MAGI1: variants seen among roughly 807,000 people sequenced by gnomAD.
MAGI1 encodes membrane-associated guanylate kinase, WW and PDZ domain-containing protein 1.
Under a neutral mutation model 139.9 loss-of-function variants are expected in MAGI1, and 58 were observed. The observed-to-expected ratio is 0.41, with a 90% CI of 0.34 to 0.52. The LOEUF is 0.52. Ranked by LOEUF, MAGI1 falls within the 20% of genes least tolerant of loss-of-function variation. The pLI is 0.12. For synonymous variants in MAGI1, 812 were observed against 737.9 expected (o/e 1.10, Z -1.63); for missense variants, 1,874 against 1,901.6 (o/e 0.99, Z 0.27).
At chr3:65,633,620 G>A (rs1331991915) in intron 1 of MAGI1, among the ~76,000 whole-genome samples, 1 of 152,072 alleles carries the variant, frequency 6.6e-6, no homozygotes, top group East Asian at 1.9e-4. Context: ...ATTAAGCATG[G>A]AAAGAAAAGC....
At chr3:65,361,486 C>G in intron 21 of MAGI1, 149 bp from the exon 22 acceptor site, 1 of 691,596 alleles carries the variant, frequency 1.4e-6, no homozygotes, top group East Asian at 2.7e-5. Flanking sequence ...AGATTATATT[C>G]TAAAGAGGGA....
chr3:65,560,100 C>T (rs908392225), intron 2 of MAGI1, among the ~76,000 whole-genome samples: 1 of 152,172 alleles, frequency 6.6e-6, no homozygotes, highest in Non-Finnish European at 1.5e-5. Flanking sequence ...AAATACAAAA[C>T]TCCATATATA....
chr3:65,908,840 T>A (rs2061543784), intron 1 of MAGI1, among the ~76,000 whole-genome samples: 2 of 152,204 alleles, frequency 1.3e-5, no homozygotes, highest in African/African-American at 4.8e-5. Context: ...TTAACCATAA[T>A]GACCACTCAT....
intron 1 of MAGI1, among the ~76,000 whole-genome samples, chr3:65,947,851 A>G (rs1464309515): frequency 6.6e-6 from 1 of 151,944 alleles, no homozygotes; most frequent in East Asian, 1.9e-4. Flanking sequence ...CCCTGAGCTC[A>G]AGCAATCTTC....
chr3:65,415,483 G>A (rs1946142282), intron 12 of MAGI1, among the ~76,000 whole-genome samples: 1 of 152,180 alleles, frequency 6.6e-6, no homozygotes, highest in South Asian at 2.1e-4. Flanking sequence ...CATGGACACA[G>A]CCCAGGGCTG....
intron 4 of MAGI1, 77 bp downstream of exon 4, chr3:65,478,515 T>G: frequency 7.1e-7 from 1 of 1,414,938 alleles, no homozygotes; most frequent in South Asian, 1.2e-5. Flanking sequence ...AACAGCATCC[T>G]TTTCAAAACT....
At chr3:66,014,430 T>G (rs6767345) in intron 1 of MAGI1, among the ~76,000 whole-genome samples, 1 of 151,952 alleles carries the variant, frequency 6.6e-6, no homozygotes, top group Non-Finnish European at 1.5e-5. Context: ...TCTGTTTACA[T>G]GTCAGGACAG....
chr3:65,865,574 T>G (rs2059696202), intron 1 of MAGI1, among the ~76,000 whole-genome samples: 1 of 152,282 alleles, frequency 6.6e-6, no homozygotes, highest in African/African-American at 2.4e-5. Flanking sequence ...CAGGCCTGGG[T>G]GACAGAGTGA....
At chr3:65,574,388 T>C (rs925571248) in intron 2 of MAGI1, among the ~76,000 whole-genome samples, 53 of 135,968 alleles carry the variant, frequency 3.9e-4, no homozygotes, top group African/African-American at 1.4e-3. Flanking sequence ...AGCAACAAAA[T>C]ATATAAAATA....
chr3:65,493,522 G>T lies in MAGI1; in HGVS notation c.540C>A (p.Gly180=). The change falls in exon 3 of 23, where the codon GGC becomes GGA. Residue 180 remains glycine (G), a synonymous_variant. Coordinates refer to ENST00000402939, the MANE Select transcript of MAGI1 (RefSeq NM_001033057.2). ...LEQSGTLLEV[G]TYEGNYYGTP... ...GTACAAGTAACTCACCTTCATAGGT[G>T]CCGACTTCCAGAAGAGTCCCACTCT... 1 of 1,614,136 alleles carries T rather than the reference G, an allele frequency of 6.2e-7. No homozygotes were observed. Among genetic ancestry groups the T allele is most frequent in the Non-Finnish European group, 8.5e-7 (1 of 1,180,016 alleles).
At chr3:65,528,814 G>A (rs2078505458) in intron 2 of MAGI1, among the ~76,000 whole-genome samples, 1 of 152,232 alleles carries the variant, frequency 6.6e-6, no homozygotes, top group South Asian at 2.1e-4. Flanking sequence ...GGGAGGCCAA[G>A]ACAGGAGGAT....
At chr3:65,784,812 AACAT>A (rs1259499992) in intron 1 of MAGI1, among the ~76,000 whole-genome samples, 2 of 152,252 alleles carry the variant, frequency 1.3e-5, no homozygotes, top group African/African-American at 4.8e-5. Context: ...TGCATGCTAC[AACAT>A]GGATGAATCC....
At chr3:65,521,440 G>C (rs1253728367) in intron 2 of MAGI1, among the ~76,000 whole-genome samples, 2 of 152,164 alleles carry the variant, frequency 1.3e-5, no homozygotes, top group Non-Finnish European at 2.9e-5. Context: ...TTAGGAGCAA[G>C]TACAAGAGAT....
chr3:65,494,714 CTATATGT>C (rs1952298733), intron 2 of MAGI1, among the ~76,000 whole-genome samples: 7 of 152,338 alleles, frequency 4.6e-5, no homozygotes, highest in Admixed American at 1.3e-4. Flanking sequence ...AAATAACCGA[CTATATGT>C]GCCTAGTGGC....
At chr3:65,536,958 G>A (rs916081077) in intron 2 of MAGI1, among the ~76,000 whole-genome samples, 2 of 152,094 alleles carry the variant, frequency 1.3e-5, no homozygotes, top group Non-Finnish European at 2.9e-5. Flanking sequence ...ATCTTTGGAC[G>A]TTTTCATTAG....
At chr3:65,553,309 T>C (rs746975573) in intron 2 of MAGI1, among the ~76,000 whole-genome samples, 11 of 152,188 alleles carry the variant, frequency 7.2e-5, no homozygotes, top group Admixed American at 6.5e-4. Flanking sequence ...ATATTCTCTG[T>C]GGTAGGTATG....
At chr3:65,391,476 T>C in intron 13 of MAGI1, 118 bp from the exon 14 acceptor site, 2 of 762,220 alleles carry the variant, frequency 2.6e-6, no homozygotes, top group South Asian at 1.8e-5. Flanking sequence ...ATATCAACAG[T>C]ATTTTGGCTC....
At chr3:65,505,519 C>A (rs2077247599) in intron 2 of MAGI1, among the ~76,000 whole-genome samples, 1 of 151,804 alleles carries the variant, frequency 6.6e-6, no homozygotes, top group African/African-American at 2.4e-5. Context: ...GTGGCACGTG[C>A]CTGTAGTCCC....
intron 2 of MAGI1, among the ~76,000 whole-genome samples, chr3:65,501,367 G>A (rs2107700999): frequency 6.7e-6 from 1 of 150,046 alleles, no homozygotes; most frequent in Middle Eastern, 3.5e-3. Flanking sequence ...AGCTACTTGG[G>A]AGGCTGAGGC....
Sources: allele counts gnomAD v4.1 joint callset (sites outside exome capture counted in the v4.1 genomes callset), GRCh38; gene constraint gnomAD v4.1.1; transcripts MANE v1.5; gene names NCBI Gene and HGNC (gene_info 2026-07-23, HGNC 2026-07-21).